The following SH3RF3 variants were observed in gnomAD, a reference collection of about 807,000 sequenced individuals.
The protein encoded by SH3RF3 is SH3 domain containing ring finger 3, also known as E3 ubiquitin-protein ligase SH3RF3.
In SH3RF3, 29 loss-of-function variants were observed where a neutral mutation model predicts 66.3. The ratio of observed to expected loss-of-function variants is 0.44; its 90% CI spans 0.33 to 0.60. The LOEUF is 0.60. SH3RF3 is among the 20% of genes least tolerant of loss of function. The pLI is 0.04. For missense variants in SH3RF3, 1,194 were observed against 1,190.9 expected (o/e 1.00, Z -0.04); for synonymous variants, 583 against 532.0 (o/e 1.10, Z -1.32).
At chr2:109,333,673 G>A (rs1039003267) in intron 1 of SH3RF3, among the ~76,000 whole-genome samples, 1 of 152,318 alleles carries the variant, frequency 6.6e-6, no homozygotes, top group Non-Finnish European at 1.5e-5. Context: ...TTTGCTGACC[G>A]CTGGCATAGA....
Position 109,253,030 on chromosome 2 carries a change from C to CT in SH3RF3, c.574-94635dup, listed in dbSNP as rs201228718. Among the ~76,000 whole-genome samples the CT allele has an allele frequency of 7.4e-3, 1,124 of 151,020 alleles. 8 individuals are homozygous for CT. The highest frequency in any genetic ancestry group is 0.024 in the South Asian group (114 of 4,780). ...CATGTGTAGCCTTTACTTTTTTTTT[C>CT]TTTTTTTTTATTTAAGAGCTAGAGT... is the stretch of plus-strand genomic sequence containing the variant. On this transcript the variant is annotated intron_variant, in intron 1 of 9. Coordinates refer to ENST00000309415, the MANE Select transcript of SH3RF3 (RefSeq NM_001099289.3).
intron 8 of SH3RF3, among the ~76,000 whole-genome samples, chr2:109,458,924 T>G (rs1056482893): frequency 2.6e-5 from 4 of 152,230 alleles, no homozygotes; most frequent in Non-Finnish European, 4.4e-5. Context: ...CTAGCCACAC[T>G]GACATAAAAC....
At position 109,490,817 on chromosome 2, in the gene SH3RF3, G is replaced by A. The variant is rs1343033688; in HGVS notation, c.2361G>A (p.Gly787=). The A allele has an allele frequency of 3.3e-6, 5 of 1,537,042 alleles. No individual in the cohort carries two copies. The South Asian group carries it at 4.8e-5, about 15-fold the overall frequency. ...AGAGCGAGATGCAGGGTGCCATGGGGATGGAGCCTCTGCACAGGAAGGCAG... is the reference window on the plus strand; with the variant it reads ...AGAGCGAGATGCAGGGTGCCATGGGAATGGAGCCTCTGCACAGGAAGGCAG... ...PIESEMQGAM[G]MEPLHRKAGS... Residue 787 remains glycine (G), a synonymous_variant, in exon 9 of 10, where the codon GGG becomes GGA. Transcript: ENST00000309415.
chr2:109,333,264 T>A (rs1046310322), intron 1 of SH3RF3, among the ~76,000 whole-genome samples: 10 of 152,240 alleles, frequency 6.6e-5, no homozygotes, highest in African/African-American at 2.4e-4. Context: ...TCAGGGTGAT[T>A]AGTTTCGCCT....
intron 1 of SH3RF3, among the ~76,000 whole-genome samples, chr2:109,191,138 A>G (rs908702589): frequency 6.6e-6 from 1 of 152,142 alleles, no homozygotes; most frequent in Non-Finnish European, 1.5e-5. Context: ...ACAGATTGCC[A>G]ATGAGAGTAG....
intron 1 of SH3RF3, among the ~76,000 whole-genome samples, chr2:109,155,168 T>C (rs1024605607): frequency 2.0e-5 from 3 of 152,236 alleles, no homozygotes; most frequent in African/African-American, 7.2e-5. Flanking sequence ...TTCGGCATTT[T>C]GCAAACTACA....
At chr2:109,278,010 C>CAAAAAAAAAAAA (rs58675048) in intron 1 of SH3RF3, among the ~76,000 whole-genome samples, 1 of 81,324 alleles carries the variant, frequency 1.2e-5, no homozygotes, top group African/African-American at 5.2e-5. Context: ...CTGTCTCTAA[C>CAAAAAAAAAAAA]AAAAAAAAAA....
At chr2:109,408,885 T>C (rs1676517829) in intron 4 of SH3RF3, among the ~76,000 whole-genome samples, 1 of 152,132 alleles carries the variant, frequency 6.6e-6, no homozygotes, top group Non-Finnish European at 1.5e-5. Flanking sequence ...CTTCCTACCA[T>C]CAGAGGCAAC....
chr2:109,429,129 G>T (rs940875404), intron 5 of SH3RF3, among the ~76,000 whole-genome samples: 1 of 152,112 alleles, frequency 6.6e-6, no homozygotes, highest in South Asian at 2.1e-4. Flanking sequence ...GGTTGGGAAG[G>T]GCCGGTCTCG....
chr2:109,148,431 G>A (rs1316410344), intron 1 of SH3RF3, among the ~76,000 whole-genome samples: 2 of 152,086 alleles, frequency 1.3e-5, no homozygotes, highest in African/African-American at 2.4e-5. Context: ...TCCCTTTTTG[G>A]ACAAATTGGT....
chr2:109,483,086 T>G (rs1161366789), intron 8 of SH3RF3, among the ~76,000 whole-genome samples: 1 of 152,234 alleles, frequency 6.6e-6, no homozygotes, highest in Admixed American at 6.5e-5. Context: ...CATATTTATA[T>G]TGTTATAAAC....
At chr2:109,298,546 G>A (rs2105387588) in intron 1 of SH3RF3, among the ~76,000 whole-genome samples, 1 of 152,182 alleles carries the variant, frequency 6.6e-6, no homozygotes, top group East Asian at 1.9e-4. Flanking sequence ...CCTTGACTTT[G>A]GCCAACTGTT....
At chr2:109,194,405 C>T (rs1383502397) in intron 1 of SH3RF3, among the ~76,000 whole-genome samples, 1 of 152,232 alleles carries the variant, frequency 6.6e-6, no homozygotes, top group African/African-American at 2.4e-5. Flanking sequence ...GGCCTCAACC[C>T]CTGCCATCCA....
intron 4 of SH3RF3, among the ~76,000 whole-genome samples, chr2:109,413,934 C>T (rs1284650488): frequency 3.3e-5 from 5 of 152,238 alleles, no homozygotes; most frequent in Non-Finnish European, 7.3e-5. Context: ...AGTCACCTGC[C>T]CCAGGAAGCG....
intron 3 of SH3RF3, among the ~76,000 whole-genome samples, chr2:109,376,343 G>A (rs984242670): frequency 6.6e-6 from 1 of 152,228 alleles, no homozygotes; most frequent in Non-Finnish European, 1.5e-5. Flanking sequence ...CTGTCTTTAA[G>A]GAGCATTGTC....
At chr2:109,469,951 C>A (rs375990647) in intron 8 of SH3RF3, among the ~76,000 whole-genome samples, 2 of 152,136 alleles carry the variant, frequency 1.3e-5, no homozygotes, top group South Asian at 4.2e-4. Flanking sequence ...CCAGGACATG[C>A]GAGCTATAAG....
intron 1 of SH3RF3, among the ~76,000 whole-genome samples, chr2:109,138,477 G>A (rs1299017628): frequency 6.6e-6 from 1 of 152,230 alleles, no homozygotes; most frequent in Admixed American, 6.5e-5. Flanking sequence ...GTAAAAATTA[G>A]CTTGGTGCTG....
chr2:109,230,169 A>G (rs944353947), intron 1 of SH3RF3, among the ~76,000 whole-genome samples: 4 of 151,506 alleles, frequency 2.6e-5, no homozygotes, highest in African/African-American at 7.3e-5. Flanking sequence ...CGTCGTATGG[A>G]TATACTATAT....
At chr2:109,191,880 A>G (rs1678375960) in intron 1 of SH3RF3, among the ~76,000 whole-genome samples, 1 of 151,968 alleles carries the variant, frequency 6.6e-6, no homozygotes, top group African/African-American at 2.4e-5. Context: ...CATTTTTGAA[A>G]CCTTTACTAT....
Sources: allele counts gnomAD v4.1 joint callset (sites outside exome capture counted in the v4.1 genomes callset), GRCh38; gene constraint gnomAD v4.1.1; transcripts MANE v1.5; gene names NCBI Gene and HGNC (gene_info 2026-07-23, HGNC 2026-07-21).